LYPD6B: variants seen among roughly 807,000 people sequenced by gnomAD.
LYPD6B encodes the protein ly6/PLAUR domain-containing protein 6B.
Under a neutral mutation model 22.8 loss-of-function variants are expected in LYPD6B, and 17 were observed. The observed-to-expected ratio is 0.75, with a 90% confidence interval of 0.51 to 1.12. The LOEUF is 1.12. LYPD6B is among the 50% of genes most tolerant of loss of function. The pLI is 0.00. For synonymous variants in LYPD6B, 106 were observed against 91.6 expected, an observed-to-expected ratio of 1.16 and a Z score of -0.90; for missense variants, 221 against 258.3, an observed-to-expected ratio of 0.86 and a Z score of 0.99.
intron 1 of LYPD6B, among the ~76,000 whole-genome samples, chr2:149,113,895 G>A (rs566305009): frequency 1.3e-5 from 2 of 152,294 alleles, no homozygotes; most frequent in Admixed American, 6.5e-5. Flanking sequence ...GCTATGTAAG[G>A]TATTGACAAG....
rs116460877 is a variant in LYPD6B at position 149,090,003 on chromosome 2, A to G, written c.-66-40880A>G. 4.5e-3 allele frequency among the ~76,000 whole-genome samples: 689 copies of G among 152,236 alleles called. 8 individuals carry two copies. Among genetic ancestry groups the G allele is most frequent in the African/African-American group, 0.016 (660 of 41,540 alleles). ...CGTTCTTCCTCTATTAAATGCATCT[A>G]AGAGTGTGTGATGGGGATGGAGACA... On this transcript the variant is annotated intron_variant, in intron 1 of 6. Transcript: ENST00000409642.
rs541576784 is a variant in LYPD6B at position 149,082,961 on chromosome 2, G to T, written c.-67+44160G>T. Reference sequence around the variant, plus strand: ...CAGCTTTCTCACTGACTCCCTGGCTGCACCTGGGTGTGCCTCTGGACAGGA... The same window carrying T: ...CAGCTTTCTCACTGACTCCCTGGCTTCACCTGGGTGTGCCTCTGGACAGGA... On this transcript the variant is annotated intron_variant, in intron 1 of 6. Coordinates refer to ENST00000409642, the MANE Select transcript of LYPD6B (RefSeq NM_177964.5). Among the ~76,000 whole-genome samples, 35 of 152,306 alleles carry T rather than the reference G, an allele frequency of 2.3e-4. No individual in the cohort carries two copies. In the South Asian group the frequency reaches 3.3e-3, roughly 14 times the overall value.
At chr2:149,197,203 T>C (rs1213281656) in intron 3 of LYPD6B, among the ~76,000 whole-genome samples, 4 of 152,190 alleles carry the variant, frequency 2.6e-5, no homozygotes, top group Non-Finnish European at 5.9e-5. Context: ...TTCCATGTTA[T>C]GTCCTTGGCT....
At chr2:149,135,007 G>T (rs543819088) in intron 2 of LYPD6B, among the ~76,000 whole-genome samples, 4 of 152,318 alleles carry the variant, frequency 2.6e-5, no homozygotes, top group African/African-American at 9.6e-5. Context: ...CACTTTGGGA[G>T]GCTGAGGCAG....
At chr2:149,187,845 TGG>T (rs1250484738) in intron 3 of LYPD6B, among the ~76,000 whole-genome samples, 74 of 152,370 alleles carry the variant, frequency 4.9e-4, no homozygotes, top group Middle Eastern at 3.4e-3. Flanking sequence ...CTGTGGGCCA[TGG>T]GTTGGACGAG....
intron 1 of LYPD6B, among the ~76,000 whole-genome samples, chr2:149,093,745 A>G (rs747336439): frequency 1.2e-4 from 18 of 152,156 alleles, no homozygotes; most frequent in African/African-American, 1.9e-4. Flanking sequence ...TTTCTTGCAT[A>G]TATTCAGAAT....
At chr2:149,106,026 T>C (rs1686452914) in intron 1 of LYPD6B, among the ~76,000 whole-genome samples, 1 of 152,142 alleles carries the variant, frequency 6.6e-6, no homozygotes, top group Admixed American at 6.6e-5. Context: ...CCAAATTATT[T>C]TCCTGTGTCT....
intron 1 of LYPD6B, among the ~76,000 whole-genome samples, chr2:149,082,010 G>A (rs548955387): frequency 1.3e-5 from 2 of 152,198 alleles, no homozygotes; most frequent in Non-Finnish European, 2.9e-5. Context: ...GTGAAGTACT[G>A]GAGTCACTTT....
chr2:149,139,179 G>C (rs911356377), intron 2 of LYPD6B, among the ~76,000 whole-genome samples: 2 of 152,210 alleles, frequency 1.3e-5, no homozygotes, highest in African/African-American at 4.8e-5. Flanking sequence ...ATGGTTTATT[G>C]CCTCCTGGAG....
rs151249985 is a variant in LYPD6B, at chr2:149,145,463, A to AG, written c.5+14514dup. 8.7e-3 allele frequency among the ~76,000 whole-genome samples: 1,329 copies of AG among 152,330 alleles called. 17 individuals are homozygous for AG. The highest frequency in any genetic ancestry group is 0.031 in the African/African-American group (1,283 of 41,578). ...GTGAGGGAAAACAGAAGTGAGACAC[A>AG]GGGGAAGATACGGTGAACACACTGG... On this transcript the variant is annotated intron_variant, in intron 2 of 6. Transcript: ENST00000409642.
intron 4 of LYPD6B, among the ~76,000 whole-genome samples, chr2:149,207,571 C>A (rs1693580922): frequency 6.6e-6 from 1 of 151,828 alleles, no homozygotes; most frequent in Non-Finnish European, 1.5e-5. Flanking sequence ...AGACTACCAG[C>A]AACTCAGAAA....
At chr2:149,165,981 C>T (rs912280549) in intron 3 of LYPD6B, among the ~76,000 whole-genome samples, 3 of 152,160 alleles carry the variant, frequency 2.0e-5, no homozygotes, top group African/African-American at 7.2e-5. Flanking sequence ...CTTATTATCC[C>T]ATGGAACACA....
intron 1 of LYPD6B, among the ~76,000 whole-genome samples, chr2:149,103,258 T>G (rs1006040232): frequency 6.6e-6 from 1 of 152,216 alleles, no homozygotes; most frequent in African/African-American, 2.4e-5. Flanking sequence ...CGTTAACTTA[T>G]GTTTACATGA....
At chr2:149,130,012 T>C (rs547793498) in intron 1 of LYPD6B, among the ~76,000 whole-genome samples, 15 of 152,324 alleles carry the variant, frequency 9.8e-5, no homozygotes, top group African/African-American at 3.6e-4. Context: ...CTGCAGGCTT[T>C]GTGCTCCAGT....
In LYPD6B at chr2:149,178,596, T is replaced by TA. The variant is rs150820777; in HGVS notation, c.77+17763dup. Among the ~76,000 whole-genome samples the TA allele has an allele frequency of 7.9e-3, 1,200 of 152,338 alleles. 14 individuals carry two copies. Among genetic ancestry groups the TA allele is most frequent in the African/African-American group, 0.028 (1,157 of 41,580 alleles). ...CCATCAACTTCAGACACTGGCAGCC[T>TA]AACTCACCTTGCTTTTGAAATTTTG... On this transcript the variant is annotated intron_variant, in intron 3 of 6. Coordinates refer to ENST00000409642, the MANE Select transcript of LYPD6B (RefSeq NM_177964.5).
intron 5 of LYPD6B, 84 bp from the exon 6 acceptor site, chr2:149,212,908 T>G: frequency 7.2e-7 from 1 of 1,385,212 alleles, no homozygotes; most frequent in Non-Finnish European, 9.8e-7. Flanking sequence ...CCTTTCTGCA[T>G]TAATTGTTAA....
chr2:149,122,854 G>A (rs899193969), intron 1 of LYPD6B, among the ~76,000 whole-genome samples: 1 of 152,158 alleles, frequency 6.6e-6, no homozygotes, highest in African/African-American at 2.4e-5. Context: ...AAAAATTTAA[G>A]ATAGGCATAT....
At chr2:149,201,944 G>C (rs1267180229) in intron 3 of LYPD6B, among the ~76,000 whole-genome samples, 1 of 152,084 alleles carries the variant, frequency 6.6e-6, no homozygotes, top group Non-Finnish European at 1.5e-5. Flanking sequence ...GCTAAACCAC[G>C]GTTTCCTCAC....
At chr2:149,143,017 C>T (rs759562300) in intron 2 of LYPD6B, among the ~76,000 whole-genome samples, 5 of 152,206 alleles carry the variant, frequency 3.3e-5, no homozygotes, top group Non-Finnish European at 7.3e-5. Context: ...CTATTATTCA[C>T]ATCTTACATC....
Sources: gnomAD v4.1 joint callset for allele counts (sites outside exome capture counted in the v4.1 genomes callset) on GRCh38, gnomAD v4.1.1 for gene constraint, MANE v1.5 for transcripts, NCBI Gene and HGNC (gene_info 2026-07-23, HGNC 2026-07-21) for gene names.